CDC42BPB: variants seen among roughly 807,000 people sequenced by gnomAD.
CDC42BPB encodes the protein serine/threonine-protein kinase MRCK beta.
Under a neutral mutation model 214.9 loss-of-function variants are expected in CDC42BPB, and 37 were observed. The observed-to-expected ratio is 0.17, with a 90% confidence interval of 0.13 to 0.23. The LOEUF is 0.23. Ranked by LOEUF, CDC42BPB falls within the 10% of genes least tolerant of loss-of-function variation. The pLI, the probability that CDC42BPB is intolerant of heterozygous loss-of-function variation, is 1.00. For missense variants in CDC42BPB, 1,694 were observed against 2,227.0 expected (o/e 0.76, Z 4.82); for synonymous variants, 931 against 884.0 (o/e 1.05, Z -0.94).
intron 5 of CDC42BPB, among the ~76,000 whole-genome samples, chr14:102,996,541 G>A (rs1362302995): frequency 6.6e-6 from 1 of 152,102 alleles, no homozygotes; most frequent in African/African-American, 2.4e-5. Context: ...GGCCGGGGGA[G>A]GTGGCTCATG....
chr14:102,946,854 G>A (rs924541063), intron 27 of CDC42BPB, 170 bp from the exon 28 acceptor site: 25 of 985,328 alleles, frequency 2.5e-5, no homozygotes, highest in Admixed American at 1.2e-4. Context: ...AGGCTCCCGC[G>A]GCAGGACACG....
At position 102,976,068 on chromosome 14, in the gene CDC42BPB, G is replaced by A. The variant is rs1893728482; in HGVS notation, c.1221-19C>T. ...AAAACAGCTGGGAAACCAAGCAACA[G>A]GTTTTTTTGATCTACTGAAAATTTA... On this transcript the variant is annotated intron_variant, in intron 9 of 36. Transcript: ENST00000361246. The A allele has an allele frequency of 3.1e-6, 5 of 1,602,248 alleles. No individual in the cohort carries two copies. Among genetic ancestry groups the A allele is most frequent in the Non-Finnish European group, 3.4e-6 (4 of 1,171,222 alleles).
At chr14:102,941,145 G>A in intron 30 of CDC42BPB, 2 of 985,480 alleles carry the variant, frequency 2.0e-6, no homozygotes, top group Non-Finnish European at 2.4e-6. Flanking sequence ...TGGGTGGCAC[G>A]CTCACTGCCC....
intron 1 of CDC42BPB, among the ~76,000 whole-genome samples, chr14:103,015,617 A>G (rs1167677471): frequency 6.6e-6 from 1 of 152,244 alleles, no homozygotes; most frequent in African/African-American, 2.4e-5. Flanking sequence ...TTTAACATGA[A>G]TAACTGCCAA....
Position 102,943,454 on chromosome 14 carries a change from G to GT in CDC42BPB, c.4408+436dup, listed in dbSNP as rs1446881297. ...GAAAATACTTGTCCTTAGAGGGACT[G>GT]TAACTTAAGACACCAGAGGTGAATT... On this transcript the variant is annotated intron_variant, in intron 30 of 36. Coordinates refer to ENST00000361246, the MANE Select transcript of CDC42BPB (RefSeq NM_006035.4). The surrounding 1 kb of genome is among the most constrained non-coding windows in gnomAD (Gnocchi z 4.6). 6.6e-6 allele frequency among the ~76,000 whole-genome samples: 1 copy of GT among 152,226 alleles called. No homozygotes were observed. Among genetic ancestry groups the GT allele is most frequent in the African/African-American group, 2.4e-5 (1 of 41,448 alleles).
chr14:102,963,489 T>A (rs1490504098), intron 19 of CDC42BPB, among the ~76,000 whole-genome samples: 1 of 152,176 alleles, frequency 6.6e-6, no homozygotes, highest in Non-Finnish European at 1.5e-5. Context: ...GTCAGCCCCA[T>A]CAATATCTTT....
rs1447914005 is a variant in CDC42BPB at position 102,980,965 on chromosome 14, G to T, written c.948C>A (p.Leu316=). The change falls in exon 8 of 37, where the codon CTC becomes CTA. Residue 316 remains leucine, a synonymous_variant. Transcript: ENST00000361246. The part of the protein sequence containing the change: ...VTDVSEEAKD[L]IQRLICSRER... ...CTCTACTGCAGATCAGTCTCTGGAT[G>T]AGGTCCTTCGCTTCTTCAGATACAT... 7.4e-6 allele frequency: 12 copies of T among 1,614,196 alleles called. No individual in the cohort carries two copies. Among genetic ancestry groups the T allele is most frequent in the South Asian group, 1.1e-5 (1 of 91,078 alleles).
intron 1 of CDC42BPB, among the ~76,000 whole-genome samples, chr14:103,026,317 G>T (rs1365876867): frequency 1.3e-5 from 2 of 151,936 alleles, no homozygotes; most frequent in Non-Finnish European, 2.9e-5. Flanking sequence ...CGTGAACCTG[G>T]GAGGCAGAGG....
chr14:103,050,326 G>C (rs141686322), intron 1 of CDC42BPB, among the ~76,000 whole-genome samples: 6 of 152,360 alleles, frequency 3.9e-5, no homozygotes, highest in African/African-American at 1.4e-4. Flanking sequence ...GGAGGCCTGA[G>C]GCTGACCGCA....
chr14:102,970,771 A>G (rs1488422018), intron 13 of CDC42BPB, among the ~76,000 whole-genome samples: 2 of 152,194 alleles, frequency 1.3e-5, no homozygotes, highest in Non-Finnish European at 2.9e-5. Context: ...ATTCCTCATT[A>G]GGGGTATCAC....
chr14:103,020,226 G>A (rs563396263), intron 1 of CDC42BPB, among the ~76,000 whole-genome samples: 7 of 152,346 alleles, frequency 4.6e-5, no homozygotes, highest in Admixed American at 2.0e-4. Flanking sequence ...TATCCATTAC[G>A]AATAATACCT....
Position 103,046,810 on chromosome 14 carries a change from T to C in CDC42BPB, c.175+10189A>G, listed in dbSNP as rs1458601939. 2.0e-5 allele frequency among the ~76,000 whole-genome samples: 3 copies of C among 151,778 alleles called. No homozygotes were observed. In the East Asian group the frequency reaches 6.0e-4, roughly 30 times the overall value. On this transcript the variant is annotated intron_variant, in intron 1 of 36. Coordinates refer to ENST00000361246, the MANE Select transcript of CDC42BPB (RefSeq NM_006035.4). The stretch of plus-strand genomic sequence containing the variant: ...CTGGGATTACAGGCACCTGCCACCA[T>C]GCCCGGCTAGTTTTTGTATTTTTAG...
chr14:103,003,982 G>A lies in CDC42BPB; in HGVS notation c.393C>T (p.Gly131=), dbSNP rs1345566108. Residue 131 remains glycine (G), a synonymous_variant, in exon 4 of 37, where the codon GGC becomes GGT. Coordinates refer to ENST00000361246, the MANE Select transcript of CDC42BPB (RefSeq NM_006035.4). ...GCAGCGCGGTGATCCACTGGCAGTCGCCGTTCACCAGCACATCGCGCTCCT... is the reference window on the plus strand; with the variant it reads ...GCAGCGCGGTGATCCACTGGCAGTCACCGTTCACCAGCACATCGCGCTCCT... ...FREERDVLVN[G]DCQWITALHY... is the part of the protein sequence containing the mutation. 3.1e-6 allele frequency: 5 copies of A among 1,610,190 alleles called. No homozygotes were observed. The highest frequency in any genetic ancestry group is 1.7e-4 in the Middle Eastern group (1 of 6,058).
chr14:103,018,623 T>C (rs912811878), intron 1 of CDC42BPB, among the ~76,000 whole-genome samples: 2 of 152,046 alleles, frequency 1.3e-5, no homozygotes, highest in African/African-American at 2.4e-5. Context: ...GCTTGATGAA[T>C]GGGGTGCTAC....
chr14:103,000,672 G>A (rs1894936789), intron 4 of CDC42BPB, among the ~76,000 whole-genome samples: 2 of 152,220 alleles, frequency 1.3e-5, no homozygotes, highest in Admixed American at 1.3e-4. Context: ...ACCCGCACAG[G>A]GAGTAAACGC....
intron 1 of CDC42BPB, among the ~76,000 whole-genome samples, chr14:103,044,449 A>C (rs1010927495): frequency 6.8e-6 from 1 of 147,332 alleles, no homozygotes; most frequent in Non-Finnish European, 1.5e-5. Flanking sequence ...AGCTCACTGC[A>C]ACCTCCACCT....
chr14:102,940,606 G>T, intron 30 of CDC42BPB: 2 of 728,346 alleles, frequency 2.7e-6, no homozygotes, highest in South Asian at 2.1e-5. Context: ...AAAAAGTCTG[G>T]TTTTTCATTT....
rs1891500630 is a variant in CDC42BPB at position 102,933,740 on chromosome 14, C to T, written c.5108G>A (p.Gly1703Asp). The T allele has an allele frequency of 2.7e-6, 4 of 1,490,024 alleles. No homozygotes were observed. The highest frequency in any genetic ancestry group is 3.5e-6 in the Non-Finnish European group (4 of 1,135,380). 92.3% of individuals were successfully genotyped at this position (1,490,024 alleles called of 1,614,324 possible). The part of the protein sequence containing the change: ...SPHRSQLPLE[G>D]LEQPACDT Reference sequence around the variant, plus strand: ...GGTGTCACAGGCCGGCTGCTCCAGGCCTTCGAGGGGGAGCTGGCTCCTGTG... The same window carrying T: ...GGTGTCACAGGCCGGCTGCTCCAGGTCTTCGAGGGGGAGCTGGCTCCTGTG... Residue 1703 changes from glycine (G) to aspartate (D), a missense_variant, in exon 37 of 37, where the codon GGC (glycine) becomes GAC (aspartate). Coordinates refer to ENST00000361246, the MANE Select transcript of CDC42BPB (RefSeq NM_006035.4).
intron 5 of CDC42BPB, among the ~76,000 whole-genome samples, chr14:102,992,481 G>C (rs1421003330): frequency 1.3e-5 from 2 of 152,128 alleles, no homozygotes; most frequent in Non-Finnish European, 1.5e-5. Context: ...TGCTCCTCTC[G>C]TTACGGAAGA....
Sources: allele counts gnomAD v4.1 joint callset (sites outside exome capture counted in the v4.1 genomes callset), GRCh38; gene constraint gnomAD v4.1.1; non-coding constraint Gnocchi (gnomAD v3.1); transcripts MANE v1.5; gene names NCBI Gene and HGNC (gene_info 2026-07-23, HGNC 2026-07-21).